The following SUMF1 variants were observed in gnomAD, a reference collection of about 807,000 sequenced individuals.
SUMF1 encodes formylglycine-generating enzyme.
Under a neutral mutation model 47.6 loss-of-function variants are expected in SUMF1, and 48 were observed. The observed-to-expected ratio is 1.01, with a 90% CI of 0.80 to 1.28. The LOEUF (loss-of-function observed/expected upper bound fraction) is 1.28, where lower values mean the gene tolerates loss of function less well. SUMF1 is among the 50% of genes most tolerant of loss of function. The pLI, the probability that SUMF1 is intolerant of heterozygous loss-of-function variation, is 0.00. For synonymous variants in SUMF1, 230 were observed against 192.1 expected (o/e 1.20, Z -1.63); for missense variants, 571 against 485.4 (o/e 1.18, Z -1.66).
intron 8 of SUMF1, among the ~76,000 whole-genome samples, chr3:4,176,941 A>C (rs1694978252): frequency 6.6e-6 from 1 of 152,166 alleles, no homozygotes; most frequent in Admixed American, 6.5e-5. Context: ...AGAGACAAAG[A>C]AGGCCATTAC....
At chr3:4,272,016 C>T (rs950147897) in intron 8 of SUMF1, among the ~76,000 whole-genome samples, 1 of 152,182 alleles carries the variant, frequency 6.6e-6, no homozygotes, top group African/African-American at 2.4e-5. Context: ...TCTTCTTTAT[C>T]TCACTACATG....
intron 8 of SUMF1, among the ~76,000 whole-genome samples, chr3:4,099,038 G>A (rs952910223): frequency 1.3e-5 from 2 of 152,056 alleles, no homozygotes; most frequent in African/African-American, 4.8e-5. Flanking sequence ...TCCTTAACAA[G>A]GCAAAATAAA....
intron 9 of SUMF1, among the ~76,000 whole-genome samples, chr3:4,042,833 G>C (rs76776955): frequency 0.11 from 17,069 of 152,130 alleles, 1,032 homozygotes; most frequent in Middle Eastern, 0.17. Flanking sequence ...AAACAGAAAA[G>C]GATCAGGCTA....
chr3:4,038,804 G>C (rs978995754), intron 9 of SUMF1, among the ~76,000 whole-genome samples: 1 of 152,182 alleles, frequency 6.6e-6, no homozygotes, highest in African/African-American at 2.4e-5. Context: ...GGAAACTCCA[G>C]ACCACTACCA....
At chr3:4,056,610 A>T (rs1695195723) in intron 9 of SUMF1, among the ~76,000 whole-genome samples, 1 of 152,108 alleles carries the variant, frequency 6.6e-6, no homozygotes, top group East Asian at 1.9e-4. Flanking sequence ...AGTGAGCTAA[A>T]ATCATACCAC....
chr3:4,225,452 C>A (rs1256571425), intron 8 of SUMF1, among the ~76,000 whole-genome samples: 1 of 152,096 alleles, frequency 6.6e-6, no homozygotes, highest in South Asian at 2.1e-4. Context: ...ACAGTAAGCA[C>A]CCAATGAATG....
intron 9 of SUMF1, among the ~76,000 whole-genome samples, chr3:4,038,720 G>C (rs920819496): frequency 6.6e-6 from 1 of 152,168 alleles, no homozygotes; most frequent in African/African-American, 2.4e-5. Context: ...CCCAGACTGA[G>C]GGCAGCAGGA....
chr3:4,158,938 A>ACT (rs1694513579), intron 8 of SUMF1, among the ~76,000 whole-genome samples: 1 of 151,182 alleles, frequency 6.6e-6, no homozygotes, highest in Admixed American at 6.6e-5. Flanking sequence ...CCACTCAGCT[A>ACT]CTCTACATTT....
intron 8 of SUMF1, among the ~76,000 whole-genome samples, chr3:4,084,007 AATG>A (rs1005027936): frequency 6.6e-6 from 1 of 152,116 alleles, no homozygotes; most frequent in African/African-American, 2.4e-5. Flanking sequence ...TTACAAAAAC[AATG>A]ATGTTTATTT....
intron 9 of SUMF1, among the ~76,000 whole-genome samples, chr3:4,056,900 C>T (rs950100709): frequency 1.3e-5 from 2 of 151,884 alleles, no homozygotes; most frequent in Admixed American, 1.3e-4. Context: ...TGCCACCACG[C>T]CCGGCTAATT....
chr3:4,449,847 T>G (rs1226600678), intron 2 of SUMF1, among the ~76,000 whole-genome samples: 3 of 152,234 alleles, frequency 2.0e-5, no homozygotes, highest in African/African-American at 7.2e-5. Flanking sequence ...ATGATTTTAT[T>G]TAACATTAGT....
intron 8 of SUMF1, among the ~76,000 whole-genome samples, chr3:4,230,318 A>C (rs1413020716): frequency 6.6e-6 from 1 of 152,150 alleles, no homozygotes; most frequent in Admixed American, 6.6e-5. Context: ...GATGCCAATC[A>C]TAAGTATTGT....
intron 8 of SUMF1, chr3:4,313,109 G>A (rs772384012): frequency 5.6e-6 from 9 of 1,613,846 alleles, no homozygotes; most frequent in Non-Finnish European, 6.8e-6. Context: ...GTCCTGTGCC[G>A]ATGCAGTGAC....
At chr3:4,062,616 G>C (rs1248834896) in intron 9 of SUMF1, among the ~76,000 whole-genome samples, 1 of 152,098 alleles carries the variant, frequency 6.6e-6, no homozygotes, top group East Asian at 1.9e-4. Flanking sequence ...AGAGAGGAAT[G>C]AGCGCAATGT....
chr3:4,173,581 T>C (rs1029931009), intron 8 of SUMF1, among the ~76,000 whole-genome samples: 1 of 152,200 alleles, frequency 6.6e-6, no homozygotes, highest in Non-Finnish European at 1.5e-5. Context: ...TATGCATACG[T>C]ATGTTTATTG....
chr3:4,447,845 A>T (rs1702833760), intron 3 of SUMF1, among the ~76,000 whole-genome samples: 1 of 152,200 alleles, frequency 6.6e-6, no homozygotes, highest in Non-Finnish European at 1.5e-5. Context: ...ACAGCCTAGC[A>T]ATGACCCACC....
chr3:4,368,198 G>C (rs1264866697), intron 8 of SUMF1, among the ~76,000 whole-genome samples: 1 of 152,164 alleles, frequency 6.6e-6, no homozygotes, highest in African/African-American at 2.4e-5. Context: ...ACACTTCTCA[G>C]AAGAAGACAT....
At chr3:4,172,918 A>G (rs1465670637) in intron 8 of SUMF1, among the ~76,000 whole-genome samples, 1 of 152,086 alleles carries the variant, frequency 6.6e-6, no homozygotes, top group East Asian at 1.9e-4. Flanking sequence ...TTAGTCATGA[A>G]GTCTTTGCCC....
chr3:4,360,619 C>T (rs1018673851), downstream of SUMF1, among the ~76,000 whole-genome samples: 2 of 152,150 alleles, frequency 1.3e-5, no homozygotes, highest in Non-Finnish European at 2.9e-5. Flanking sequence ...AGGTGTGAGC[C>T]ACTGGGCCTG....
Sources: allele counts gnomAD v4.1 joint callset (sites outside exome capture counted in the v4.1 genomes callset), GRCh38; gene constraint gnomAD v4.1.1; transcripts MANE v1.5; gene names NCBI Gene and HGNC (gene_info 2026-07-23, HGNC 2026-07-21).